Variants in PDPR observed in about 807,000 individuals in gnomAD.
PDPR encodes the protein pyruvate dehydrogenase phosphatase regulatory subunit.
Under a neutral mutation model 102.2 loss-of-function variants are expected in PDPR, and 50 were observed. The observed-to-expected ratio is 0.49, with a 90% CI of 0.39 to 0.62. The LOEUF (loss-of-function observed/expected upper bound fraction) is 0.62. Among genes scored for constraint, PDPR ranks in the 20% least tolerant of loss-of-function variants. The probability of loss-of-function intolerance (pLI) is 0.00; values close to 1 mark genes in which losing one functional copy is unlikely to be tolerated. For missense variants in PDPR, 625 were observed against 1,098.2 expected, an observed-to-expected ratio of 0.57 and a Z score of 6.09; for synonymous variants, 259 against 406.0, an observed-to-expected ratio of 0.64 and a Z score of 4.35.
intron 2 of PDPR, chr16:70,120,108 G>C (rs1257347121): frequency 5.1e-6 from 1 of 197,894 alleles, no homozygotes; most frequent in East Asian, 1.4e-4. Flanking sequence ...GTAGAGACAG[G>C]GTTTCACCAT....
chr16:70,137,482 G>C (rs1194786544), intron 10 of PDPR, among the ~76,000 whole-genome samples: 5 of 152,266 alleles, frequency 3.3e-5, no homozygotes, highest in Non-Finnish European at 7.3e-5. Flanking sequence ...CATAGAGACA[G>C]AAAGTACAAT....
intron 8 of PDPR, 172 bp downstream of exon 8, chr16:70,131,591 A>G (rs1964543993): frequency 1.2e-6 from 1 of 855,566 alleles, no homozygotes; most frequent in Non-Finnish European, 1.4e-6. Flanking sequence ...TCTTTATGAA[A>G]GGATGGCCAA....
chr16:70,152,473 G>A (rs62051031), intron 17 of PDPR, among the ~76,000 whole-genome samples: 32,881 of 144,398 alleles, frequency 0.23, 1,106 homozygotes, highest in Non-Finnish European at 0.3. Flanking sequence ...AGCCGAGATC[G>A]CGCCACTTCA....
At chr16:70,126,711 A>T (rs2152072601) in intron 3 of PDPR, among the ~76,000 whole-genome samples, 1 of 152,306 alleles carries the variant, frequency 6.6e-6, no homozygotes, top group South Asian at 2.1e-4. Context: ...TTTTTGGTAG[A>T]GACACAGTCT....
intron 6 of PDPR, among the ~76,000 whole-genome samples, chr16:70,129,730 T>C (rs1331725339): frequency 1.3e-5 from 2 of 152,262 alleles, no homozygotes; most frequent in Admixed American, 6.5e-5. Context: ...CTTGGAAGTT[T>C]AATCCACACC....
downstream of PDPR, among the ~76,000 whole-genome samples, chr16:70,162,810 C>T (rs781170521): frequency 1.8e-3 from 272 of 152,266 alleles, no homozygotes; most frequent in Non-Finnish European, 3.5e-3. Flanking sequence ...ATGTTCCACA[C>T]GGGCACGTGT....
intron 3 of PDPR, among the ~76,000 whole-genome samples, chr16:70,123,218 A>G (rs1963534783): frequency 6.6e-6 from 1 of 152,088 alleles, no homozygotes. Flanking sequence ...GGATACTTTT[A>G]AGAGCAAAAG....
At chr16:70,137,148 C>G (rs1325142416) in intron 10 of PDPR, among the ~76,000 whole-genome samples, 1 of 152,304 alleles carries the variant, frequency 6.6e-6, no homozygotes, top group Non-Finnish European at 1.5e-5. Context: ...GTCATGAGAT[C>G]GAGACCACTC....
At chr16:70,154,820 G>A (rs1275870291) in intron 18 of PDPR, among the ~76,000 whole-genome samples, 1 of 152,230 alleles carries the variant, frequency 6.6e-6, no homozygotes, top group East Asian at 1.9e-4. Context: ...TTGTATTTTG[G>A]TAAAGACAGA....
intron 2 of PDPR, among the ~76,000 whole-genome samples, chr16:70,118,854 G>A (rs950480435): frequency 3.9e-5 from 6 of 152,308 alleles, no homozygotes; most frequent in Non-Finnish European, 8.8e-5. Context: ...TGGATGGGAT[G>A]TCTGCCTGGA....
At chr16:70,153,778 G>C (rs1966859610) in intron 18 of PDPR, among the ~76,000 whole-genome samples, 1 of 152,290 alleles carries the variant, frequency 6.6e-6, no homozygotes, top group South Asian at 2.1e-4. Context: ...AATAATGGTG[G>C]CTCACGCCTG....
chr16:70,135,097 A>G (rs1372364710), intron 9 of PDPR, among the ~76,000 whole-genome samples: 2 of 152,240 alleles, frequency 1.3e-5, no homozygotes, highest in African/African-American at 4.8e-5. Context: ...TAGTATGATG[A>G]GCCCCCATGT....
At chr16:70,152,103 TCTC>T (rs1432892353) in intron 17 of PDPR, among the ~76,000 whole-genome samples, 4 of 152,288 alleles carry the variant, frequency 2.6e-5, no homozygotes, top group Admixed American at 6.5e-5. Flanking sequence ...AGCTGTGTAT[TCTC>T]CTCGTCCTGC....
intron 9 of PDPR, among the ~76,000 whole-genome samples, chr16:70,134,805 A>G (rs1964941801): frequency 6.6e-6 from 1 of 151,762 alleles, no homozygotes; most frequent in African/African-American, 2.4e-5. Flanking sequence ...AAAAATAATA[A>G]TAATAATATA....
At position 70,148,293 on chromosome 16, in the gene PDPR, T is replaced by G. The variant is rs2911112; in HGVS notation, c.1963-171T>G. 3.0e-4 allele frequency among the ~76,000 whole-genome samples: 46 copies of G among 152,266 alleles called. No individual in the cohort carries two copies. The East Asian group carries it at 4.2e-3, about 14-fold the overall frequency. ...GTCACATAGGCAGTGCTCCATTCTC[T>G]GTGCCTCAGGACCTGGAAGTTAACC... On this transcript the variant is annotated intron_variant, in intron 16 of 18. Coordinates refer to ENST00000288050, the MANE Select transcript of PDPR (RefSeq NM_017990.5).
intron 11 of PDPR, among the ~76,000 whole-genome samples, 196 bp from the exon 12 acceptor site, chr16:70,142,038 T>C (rs1234992040): frequency 6.6e-6 from 1 of 152,202 alleles, no homozygotes; most frequent in Non-Finnish European, 1.5e-5. Context: ...AGGCAGAGGT[T>C]GCAGTAAGCC....
At chr16:70,142,940 A>C (rs1268363789) in intron 13 of PDPR, among the ~76,000 whole-genome samples, 2 of 152,264 alleles carry the variant, frequency 1.3e-5, no homozygotes. Context: ...TCATGCCTGT[A>C]ATCCCAGCAG....
intron 15 of PDPR, 118 bp from the exon 16 acceptor site, chr16:70,146,016 A>C (rs921662691): frequency 9.1e-7 from 1 of 1,102,046 alleles, no homozygotes; most frequent in Non-Finnish European, 1.4e-6. Context: ...GCAAAGGGAC[A>C]TATTCCTGGT....
downstream of PDPR, chr16:70,162,554 GTTC>G (rs1440184160): frequency 2.6e-5 from 4 of 152,494 alleles, no homozygotes; most frequent in African/African-American, 4.8e-5. Flanking sequence ...CTTGTGAAAT[GTTC>G]TTCATCTGTA....
Sources: allele counts gnomAD v4.1 joint callset (sites outside exome capture counted in the v4.1 genomes callset), GRCh38; gene constraint gnomAD v4.1.1; transcripts MANE v1.5; gene names NCBI Gene and HGNC (gene_info 2026-07-23, HGNC 2026-07-21).